The following CCNF variants were observed in gnomAD, a reference collection of about 807,000 sequenced individuals.
CCNF encodes the protein cyclin F.
In CCNF, 30 loss-of-function variants were observed where a neutral mutation model predicts 85.4. The observed-to-expected ratio is 0.35, with a 90% confidence interval of 0.26 to 0.48. The LOEUF (loss-of-function observed/expected upper bound fraction) is 0.48. CCNF is among the 20% of genes least tolerant of loss of function. The probability of loss-of-function intolerance (pLI) is 0.99; values close to 1 mark genes in which losing one functional copy is unlikely to be tolerated. For synonymous variants in CCNF, 439 were observed against 425.1 expected (o/e 1.03, Z -0.40); for missense variants, 919 against 1,010.4 (o/e 0.91, Z 1.23).
chr16:2,438,779 C>A (rs1224432430), intron 6 of CCNF, among the ~76,000 whole-genome samples: 1 of 151,620 alleles, frequency 6.6e-6, no homozygotes, highest in Non-Finnish European at 1.5e-5. Context: ...GGTGGATCAC[C>A]TGAGGTCAGG....
intron 10 of CCNF, 117 bp downstream of exon 10, chr16:2,445,739 T>TTTA: frequency 9.6e-7 from 1 of 1,045,484 alleles, no homozygotes; most frequent in Non-Finnish European, 1.3e-6. Flanking sequence ...GTTTTTTTTT[T>TTTA]TTTCCCGAGA....
chr16:2,454,239 T>A (rs1382002127), intron 15 of CCNF, among the ~76,000 whole-genome samples: 1 of 152,086 alleles, frequency 6.6e-6, no homozygotes, highest in African/African-American at 2.4e-5. Context: ...AGACCTCAAC[T>A]CCTGGGGAGC....
At chr16:2,454,474 C>T (rs964659731) in intron 15 of CCNF, among the ~76,000 whole-genome samples, 4 of 152,206 alleles carry the variant, frequency 2.6e-5, no homozygotes, top group African/African-American at 4.8e-5. Flanking sequence ...GTGTTAAACC[C>T]GCTTCTCAGA....
rs2065407984 is a variant in CCNF, at chr16:2,453,652, A to G, written c.1715+115A>G. The G allele has an allele frequency of 3.1e-5, 42 of 1,369,408 alleles. 1 individual carries two copies. In the South Asian group the frequency reaches 5.1e-4, roughly 17 times the overall value. 84.8% of individuals were successfully genotyped at this position (1,369,408 alleles called of 1,614,324 possible). On this transcript the variant is annotated intron_variant, in intron 15 of 16. Coordinates refer to ENST00000397066, the MANE Select transcript of CCNF (RefSeq NM_001761.3). The surrounding 1 kb of genome is among the most constrained non-coding windows in gnomAD (Gnocchi z 5.6). The stretch of plus-strand genomic sequence containing the variant: ...CCCCAAGGCTTGTCAGGGGAGCAGC[A>G]GATCCCAGGACAGTGACCCTGGGAC...
intron 8 of CCNF, among the ~76,000 whole-genome samples, chr16:2,442,360 T>C (rs1185915719): frequency 8.5e-6 from 1 of 117,484 alleles, no homozygotes; most frequent in Non-Finnish European, 1.7e-5. Context: ...ATATCTATTA[T>C]TATATTATAA....
chr16:2,434,269 G>T (rs1200667919), intron 3 of CCNF, among the ~76,000 whole-genome samples: 3 of 152,088 alleles, frequency 2.0e-5, no homozygotes, highest in African/African-American at 7.2e-5. Context: ...TTGCGCCATT[G>T]CACTCCAGCC....
chr16:2,436,941 T>C (rs753956210), intron 4 of CCNF, 188 bp from the exon 5 acceptor site: 6 of 473,412 alleles, frequency 1.3e-5, no homozygotes, highest in Non-Finnish European at 2.2e-5. Context: ...CCACCTGTTC[T>C]AGACATTAAT....
In CCNF at chr16:2,453,521, G is replaced by T; in HGVS notation, c.1699G>T (p.Gly567Trp). The T allele has an allele frequency of 6.2e-7, 1 of 1,614,052 alleles. No individual in the cohort carries two copies. Among genetic ancestry groups the T allele is most frequent in the South Asian group, 1.1e-5 (1 of 91,088 alleles). Residue 567 changes from glycine (G) to tryptophan (W), a missense_variant, in exon 15 of 17, where the codon GGG becomes TGG. This residue lies in a region of CCNF where 505 missense variants were observed against 514.8 expected (regional missense o/e 0.98). Transcript: ENST00000397066. The surrounding 1 kb of genome is among the most constrained non-coding windows in gnomAD (Gnocchi z 5.6). Reference protein sequence around the residue: ...EIHAFLSSPSGRRTKRKRENS... With the variant: ...EIHAFLSSPSWRRTKRKRENS... ...CCACGCCTTCCTCAGCTCTCCCTCG[G>T]GGCGGAGAACCAAACGGTTAGTTAC...
At chr16:2,440,160 T>C (rs2141819505) in intron 8 of CCNF, among the ~76,000 whole-genome samples, 1 of 152,340 alleles carries the variant, frequency 6.6e-6, no homozygotes, top group African/African-American at 2.4e-5. Flanking sequence ...AGAACTGATC[T>C]TGACAACAAA....
rs1208922333 is a variant in CCNF, at chr16:2,451,604, G to A, written c.1488-1606G>A. On this transcript the variant is annotated intron_variant, in intron 13 of 16. Coordinates refer to ENST00000397066, the MANE Select transcript of CCNF (RefSeq NM_001761.3). The surrounding 1 kb of genome is among the most constrained non-coding windows in gnomAD (Gnocchi z 4.3). ...TTGAGTTGGGGGCCCAGGCTGGAGT[G>A]CAGTGGCACCATCCTAGCTCACTGC... 1.3e-5 allele frequency among the ~76,000 whole-genome samples: 2 copies of A among 152,114 alleles called. No homozygotes were observed. Among genetic ancestry groups the A allele is most frequent in the Non-Finnish European group, 2.9e-5 (2 of 68,010 alleles).
chr16:2,441,267 G>A (rs1327632903), intron 8 of CCNF, among the ~76,000 whole-genome samples: 1 of 151,920 alleles, frequency 6.6e-6, no homozygotes, highest in Admixed American at 6.6e-5. Context: ...GTGGTGGCGT[G>A]TGCCTTGTAG....
chr16:2,448,293 C>A (rs1405043349), intron 10 of CCNF, among the ~76,000 whole-genome samples: 1 of 152,232 alleles, frequency 6.6e-6, no homozygotes, highest in Non-Finnish European at 1.5e-5. Context: ...ATGCTCAGGG[C>A]ACTTGGGCCT....
At chr16:2,432,873 C>A in intron 2 of CCNF, 88 bp from the exon 3 acceptor site, 1 of 704,518 alleles carries the variant, frequency 1.4e-6, no homozygotes. Flanking sequence ...GGAGACCCTA[C>A]ATCTGCCTCT....
intron 8 of CCNF, among the ~76,000 whole-genome samples, chr16:2,440,498 C>G (rs1439567194): frequency 1.3e-5 from 2 of 151,786 alleles, no homozygotes; most frequent in Non-Finnish European, 2.9e-5. Flanking sequence ...GCACCTGATA[C>G]TCAGGAAGTT....
chr16:2,450,509 CAAAA>C (rs56025006), intron 13 of CCNF, among the ~76,000 whole-genome samples: 3 of 132,670 alleles, frequency 2.3e-5, no homozygotes, highest in Non-Finnish European at 3.2e-5. Flanking sequence ...AACTCCATCT[CAAAA>C]AAAAAAAAAA....
In CCNF at chr16:2,456,635, G is replaced by A; in HGVS notation, c.1976G>A (p.Cys659Tyr). 6.2e-7 allele frequency: 1 copy of A among 1,612,272 alleles called. No homozygotes were observed. Residue 659 changes from cysteine (C) to tyrosine (Y), a missense_variant, in exon 17 of 17, where the codon TGT becomes TAT. Cys to Tyr is a radical substitution (Grantham distance 194). Transcript: ENST00000397066. This position sits in a 1 kb window ranked among gnomAD's most constrained non-coding sequence, Gnocchi z 4.5. ...CAGGAATCCAGTGATGAGGAGGCTT[G>A]TCCAGAGGACAAGGGACCCCAGGAC... is the stretch of plus-strand genomic sequence containing the variant. ...CCQESSDEEA[C>Y]PEDKGPQDPQ...
In CCNF at chr16:2,453,333, C is replaced by T. The variant is rs372548792; in HGVS notation, c.1587+24C>T. ...AGGTGCCTCCCTCCCGCCACCTGGGCGTCTCATGGGGTGCTGGGGTGTGGG... is the reference window on the plus strand; with the variant it reads ...AGGTGCCTCCCTCCCGCCACCTGGGTGTCTCATGGGGTGCTGGGGTGTGGG... On this transcript the variant is annotated intron_variant, in intron 14 of 16. Transcript: ENST00000397066. The surrounding 1 kb of genome is among the most constrained non-coding windows in gnomAD (Gnocchi z 5.6). 328 of 1,613,772 alleles carry T rather than the reference C, an allele frequency of 2.0e-4. 3 individuals are homozygous for T. In the South Asian group the frequency reaches 3.1e-3, roughly 15 times the overall value.
In CCNF at chr16:2,438,017, C is replaced by T. The variant is rs2065300790; in HGVS notation, c.541-53C>T. The T allele has an allele frequency of 1.1e-5, 14 of 1,267,450 alleles. No homozygotes were observed. The Admixed American group carries it at 1.2e-4, about 11-fold the overall frequency. 78.5% of individuals were successfully genotyped at this position (1,267,450 alleles called of 1,614,324 possible). A position where few individuals can be genotyped will look rare whatever the true frequency, so the allele number is the denominator to read the frequency against. ...CAAAGACAGACAAGGGAGTGGTGGC[C>T]CCCGGGCAGTTCTCTGTGCTGGAAA... On this transcript the variant is annotated intron_variant, in intron 5 of 16. Coordinates refer to ENST00000397066, the MANE Select transcript of CCNF (RefSeq NM_001761.3).
At chr16:2,434,334 G>T (rs972172652) in intron 3 of CCNF, among the ~76,000 whole-genome samples, 1 of 150,902 alleles carries the variant, frequency 6.6e-6, no homozygotes, top group South Asian at 2.1e-4. Context: ...ATAAAATATG[G>T]CTGGGCACAG....
Sources: gnomAD v4.1 joint callset for allele counts (sites outside exome capture counted in the v4.1 genomes callset) on GRCh38, gnomAD v4.1.1 for gene constraint, gnomAD v4.1.1 regional missense constraint, Gnocchi (gnomAD v3.1) non-coding constraint, MANE v1.5 for transcripts, NCBI Gene and HGNC (gene_info 2026-07-23, HGNC 2026-07-21) for gene names.